RPS6KA2: variants seen among roughly 807,000 people sequenced by gnomAD.
The protein encoded by RPS6KA2 is ribosomal protein S6 kinase alpha-2.
Under a neutral mutation model 91.8 loss-of-function variants are expected in RPS6KA2, and 42 were observed. The ratio of observed to expected loss-of-function variants is 0.46; its 90% CI spans 0.36 to 0.59. The LOEUF (loss-of-function observed/expected upper bound fraction) is 0.59. RPS6KA2 is among the 20% of genes least tolerant of loss of function. The probability of loss-of-function intolerance (pLI) is 0.00; values close to 1 mark genes in which losing one functional copy is unlikely to be tolerated. For synonymous variants in RPS6KA2, 414 were observed against 393.6 expected (o/e 1.05, Z -0.61); for missense variants, 798 against 978.5 (o/e 0.82, Z 2.46).
At chr6:166,797,335 T>C (rs1779252656) in intron 2 of RPS6KA2, among the ~76,000 whole-genome samples, 1 of 151,690 alleles carries the variant, frequency 6.6e-6, no homozygotes, top group African/African-American at 2.4e-5. Flanking sequence ...ATCAGTGGCA[T>C]GACATATAGT....
intron 2 of RPS6KA2, among the ~76,000 whole-genome samples, chr6:166,755,730 C>T (rs1330187966): frequency 1.3e-5 from 2 of 152,148 alleles, no homozygotes; most frequent in East Asian, 1.9e-4. Flanking sequence ...TGACATCTTT[C>T]GGACGTAAGA....
rs1778289747 is a variant in RPS6KA2 at position 166,411,210 on chromosome 6, TTTTC to T, written c.*1548_*1551del. 2.0e-5 allele frequency: 3 copies of T among 150,012 alleles called. No individual in the cohort carries two copies. The highest frequency in any genetic ancestry group is 3.4e-3 in the Middle Eastern group (1 of 294). 9.3% of individuals were successfully genotyped at this position (150,012 alleles called of 1,614,324 possible). Reference sequence around the variant, plus strand: ...GTTATTTTTCAGAACGCAGCACATTTTTTCTTTATTTTTTTTTTTTTAGTTGGGT... The same window carrying T: ...GTTATTTTTCAGAACGCAGCACATTTTTTATTTTTTTTTTTTTAGTTGGGT... On this transcript the variant is annotated 3_prime_UTR_variant, in exon 21 of 21. Coordinates refer to ENST00000265678, the MANE Select transcript of RPS6KA2 (RefSeq NM_021135.6). The surrounding 1 kb of genome is among the most constrained non-coding windows in gnomAD (Gnocchi z 4.5).
intron 2 of RPS6KA2, among the ~76,000 whole-genome samples, chr6:166,728,286 A>T (rs1790401866): frequency 6.6e-6 from 1 of 152,194 alleles, no homozygotes; most frequent in Non-Finnish European, 1.5e-5. Flanking sequence ...AGGCCCAGTC[A>T]CTCATCAGAT....
chr6:166,679,124 T>C (rs1788705795), intron 2 of RPS6KA2, among the ~76,000 whole-genome samples: 1 of 152,118 alleles, frequency 6.6e-6, no homozygotes, highest in Non-Finnish European at 1.5e-5. Context: ...GGCTATTCAG[T>C]AGGAGATGTT....
At position 166,733,541 on chromosome 6, in the gene RPS6KA2, TTCTCA is replaced by T. The variant is rs1790593842; in HGVS notation, c.123+124654_123+124658del. Among the ~76,000 whole-genome samples, 1 of 152,264 alleles carries T rather than the reference TTCTCA, an allele frequency of 6.6e-6. No homozygotes were observed. The highest frequency in any genetic ancestry group is 6.5e-5 in the Admixed American group (1 of 15,286). ...CCTCATTCGGATCTTATATTCCTTC[TTCTCA>T]TCTCATTTTCTTCGTCTGATAATCT... is the stretch of plus-strand genomic sequence containing the variant. On this transcript the variant is annotated intron_variant, in intron 2 of 21. Transcript: ENST00000503859. This position sits in a 1 kb window ranked among gnomAD's most constrained non-coding sequence, Gnocchi z 4.1.
rs1429517418 is a variant in RPS6KA2 at position 166,737,947 on chromosome 6, G to A, written c.123+120253C>T. ...ATACAAAGTAAAATAAAAATGTCAT[G>A]CCATCGCTCAGAGAGAATCCTTTTA... On this transcript the variant is annotated intron_variant, in intron 2 of 21. Coordinates refer to the RPS6KA2 transcript ENST00000503859. This position sits in a 1 kb window ranked among gnomAD's most constrained non-coding sequence, Gnocchi z 4.3. Among the ~76,000 whole-genome samples, 2 of 152,188 alleles carry A rather than the reference G, an allele frequency of 1.3e-5. No homozygotes were observed. Among genetic ancestry groups the A allele is most frequent in the African/African-American group, 2.4e-5 (1 of 41,446 alleles).
Position 166,737,139 on chromosome 6 carries a change from C to CT in RPS6KA2, c.123+121060_123+121061insA, listed in dbSNP as rs1790691563. Among the ~76,000 whole-genome samples the CT allele has an allele frequency of 6.9e-6, 1 of 145,558 alleles. No homozygotes were observed. Among genetic ancestry groups the CT allele is most frequent in the Admixed American group, 7.0e-5 (1 of 14,284 alleles). Reference sequence around the variant, plus strand: ...AAACGAGGTCCTTGATTTTCAATTTCCTGCAATCCTGGCTAAGAGACACAA... The same window carrying CT: ...AAACGAGGTCCTTGATTTTCAATTTCTCTGCAATCCTGGCTAAGAGACACAA... On this transcript the variant is annotated intron_variant, in intron 2 of 21. Transcript: ENST00000503859. The surrounding 1 kb of genome is among the most constrained non-coding windows in gnomAD (Gnocchi z 4.3).
At position 166,821,663 on chromosome 6, in the gene RPS6KA2, G is replaced by C. The variant is rs117168438; in HGVS notation, c.123+36537C>G. 0.028 allele frequency among the ~76,000 whole-genome samples: 4,251 copies of C among 151,908 alleles called. 87 individuals are homozygous for C. The highest frequency in any genetic ancestry group is 0.043 in the Non-Finnish European group (2,908 of 67,944). On this transcript the variant is annotated intron_variant, in intron 2 of 21. Transcript: ENST00000503859. This position sits in a 1 kb window ranked among gnomAD's most constrained non-coding sequence, Gnocchi z 4.1. ...TTGCTGTGCCCCAGATTTCCACTCGGAGCCCTCATCCCTTCATAATCTGTA... is the reference window on the plus strand; with the variant it reads ...TTGCTGTGCCCCAGATTTCCACTCGCAGCCCTCATCCCTTCATAATCTGTA...
At chr6:166,858,220 T>C (rs1435977594) in exon 2 of RPS6KA2, 5 of 1,544,990 alleles carry the variant, frequency 3.2e-6, no homozygotes, top group Middle Eastern at 3.3e-4. Flanking sequence ...GTGTCTTCTG[T>C]GGTGGGCTCC....
At position 166,853,000 on chromosome 6, in the gene RPS6KA2, G is replaced by C. The variant is rs1281538776; in HGVS notation, c.123+5200C>G. Among the ~76,000 whole-genome samples the C allele has an allele frequency of 6.6e-6, 1 of 152,174 alleles. No individual in the cohort carries two copies. The highest frequency in any genetic ancestry group is 2.4e-5 in the African/African-American group (1 of 41,430). ...AGTAAAATTTGAGAGGAAAGGGAAAGTACCCCCGTAGCCACAAGGAAATGA... is the reference window on the plus strand; with the variant it reads ...AGTAAAATTTGAGAGGAAAGGGAAACTACCCCCGTAGCCACAAGGAAATGA... On this transcript the variant is annotated intron_variant, in intron 2 of 21. Coordinates refer to the RPS6KA2 transcript ENST00000503859. This position sits in a 1 kb window ranked among gnomAD's most constrained non-coding sequence, Gnocchi z 4.1.
At chr6:166,760,467 G>A (rs1345454181) in intron 2 of RPS6KA2, among the ~76,000 whole-genome samples, 1 of 152,192 alleles carries the variant, frequency 6.6e-6, no homozygotes, top group African/African-American at 2.4e-5. Flanking sequence ...TAAGATCATC[G>A]CACAGAGTAT....
intron 6 of RPS6KA2, among the ~76,000 whole-genome samples, chr6:166,501,205 G>C (rs904881214): frequency 2.0e-5 from 3 of 152,202 alleles, no homozygotes; most frequent in African/African-American, 4.8e-5. Flanking sequence ...AGATATTCGT[G>C]GGTCCCCAGG....
intron 2 of RPS6KA2, among the ~76,000 whole-genome samples, chr6:166,764,462 C>G (rs1778254455): frequency 6.6e-6 from 1 of 152,094 alleles, no homozygotes; most frequent in Admixed American, 6.5e-5. Flanking sequence ...CCCGCGCTTC[C>G]CTCCTCACAA....
chr6:166,702,218 G>A, intron 2 of RPS6KA2: 2 of 1,610,620 alleles, frequency 1.2e-6, no homozygotes, highest in Non-Finnish European at 1.7e-6. Flanking sequence ...AACAAATTGG[G>A]TGGGAACCAG....
At chr6:166,835,253 C>T (rs1044567344) in intron 2 of RPS6KA2, among the ~76,000 whole-genome samples, 5 of 152,146 alleles carry the variant, frequency 3.3e-5, no homozygotes, top group African/African-American at 4.8e-5. Flanking sequence ...ATTCTTCTTT[C>T]GCAAAGTTCT....
At chr6:166,729,451 T>A (rs138133032) in intron 2 of RPS6KA2, among the ~76,000 whole-genome samples, 4 of 152,208 alleles carry the variant, frequency 2.6e-5, no homozygotes, top group East Asian at 3.9e-4. Flanking sequence ...GGGGCTCAGA[T>A]GATCCTCTCA....
At chr6:166,502,522 C>T (rs992867364) in intron 6 of RPS6KA2, among the ~76,000 whole-genome samples, 28 of 152,212 alleles carry the variant, frequency 1.8e-4, no homozygotes, top group Admixed American at 4.6e-4. Flanking sequence ...CCGGCACTCC[C>T]GGCCTGAGTG....
At chr6:166,541,403 G>C (rs1240796943) in intron 1 of RPS6KA2, among the ~76,000 whole-genome samples, 1 of 152,208 alleles carries the variant, frequency 6.6e-6, no homozygotes, top group Non-Finnish European at 1.5e-5. Context: ...TCTTTGTGGA[G>C]GGTCTGAGAC....
chr6:166,570,894 G>A (rs779073625), intron 1 of RPS6KA2, among the ~76,000 whole-genome samples: 1 of 152,224 alleles, frequency 6.6e-6, no homozygotes, highest in South Asian at 2.1e-4. Flanking sequence ...TCTCTTCACT[G>A]TAATAGTGTT....
Sources: gnomAD v4.1 joint callset for allele counts (sites outside exome capture counted in the v4.1 genomes callset) on GRCh38, gnomAD v4.1.1 for gene constraint, Gnocchi (gnomAD v3.1) non-coding constraint, MANE v1.5 for transcripts, NCBI Gene and HGNC (gene_info 2026-07-23, HGNC 2026-07-21) for gene names.